The following ATP10D variants were observed in gnomAD, a reference collection of about 807,000 sequenced individuals.
ATP10D encodes phospholipid-transporting ATPase VD.
A neutral mutation model predicts 144.8 loss-of-function variants in ATP10D; 89 were observed. The ratio of observed to expected loss-of-function variants is 0.61; its 90% CI spans 0.52 to 0.73. ATP10D has a LOEUF of 0.73. Among genes scored for constraint, ATP10D ranks in the 30% least tolerant of loss-of-function variants. ATP10D has a pLI of 0.00. For synonymous variants in ATP10D, 571 were observed against 615.1 expected (o/e 0.93, Z 1.06); for missense variants, 1,603 against 1,714.8 (o/e 0.93, Z 1.15).
intron 3 of ATP10D, among the ~76,000 whole-genome samples, chr4:47,519,440 G>A (rs1458471707): frequency 6.6e-6 from 1 of 152,210 alleles, no homozygotes; most frequent in Non-Finnish European, 1.5e-5. Flanking sequence ...CCAAGGAGAT[G>A]CAACAAGTTC....
intron 10 of ATP10D, among the ~76,000 whole-genome samples, chr4:47,553,188 G>T (rs1394024584): frequency 6.6e-6 from 1 of 152,156 alleles, no homozygotes; most frequent in African/African-American, 2.4e-5. Context: ...ATTGACTTTG[G>T]CAAGGAGGTC....
intron 20 of ATP10D, among the ~76,000 whole-genome samples, chr4:47,580,712 A>G (rs1160119081): frequency 6.6e-6 from 1 of 152,178 alleles, no homozygotes; most frequent in Non-Finnish European, 1.5e-5. Flanking sequence ...CTGCTTAAAA[A>G]TTTTTATCAA....
In ATP10D at chr4:47,535,618, C is replaced by T. The variant is rs199963575; in HGVS notation, c.883+3C>T. On this transcript the variant is annotated splice_donor_region_variant and intron_variant, in intron 6 of 22. Coordinates refer to ENST00000273859, the MANE Select transcript of ATP10D (RefSeq NM_020453.4). Reference sequence around the variant, plus strand: ...TGTGGGCATTGTGGTTTATGCAGGTCGGTTATGTTTCTAATTTTCATTGTC... The same window carrying T: ...TGTGGGCATTGTGGTTTATGCAGGTTGGTTATGTTTCTAATTTTCATTGTC... The T allele has an allele frequency of 9.1e-5, 146 of 1,604,138 alleles. No homozygotes were observed. Among genetic ancestry groups the T allele is most frequent in the Middle Eastern group, 3.3e-4 (2 of 6,006 alleles).
Position 47,523,119 on chromosome 4 carries a change from C to G in ATP10D, c.593C>G (p.Ser198Cys). The G allele has an allele frequency of 2.5e-6, 4 of 1,613,986 alleles. No individual in the cohort carries two copies. Among genetic ancestry groups the G allele is most frequent in the Middle Eastern group, 1.6e-4 (1 of 6,062 alleles). ...CCTGCAGACATGGTACTACTCTTTTCCACTGATCCAGATGGAATCTGTCAC... is the reference window on the plus strand; with the variant it reads ...CCTGCAGACATGGTACTACTCTTTTGCACTGATCCAGATGGAATCTGTCAC... Reference protein sequence around the residue: ...VIPADMVLLFSTDPDGICHIE... With the variant: ...VIPADMVLLFCTDPDGICHIE... The change falls in exon 4 of 23, where the codon TCC (serine) becomes TGC (cysteine). Residue 198 changes from serine (S) to cysteine (C), a missense_variant. By Grantham distance (112) the Ser-to-Cys change is moderately radical. Coordinates refer to ENST00000273859, the MANE Select transcript of ATP10D (RefSeq NM_020453.4).
intron 4 of ATP10D, among the ~76,000 whole-genome samples, chr4:47,524,753 G>T (rs576198496): frequency 7.9e-5 from 12 of 152,300 alleles, no homozygotes; most frequent in African/African-American, 2.9e-4. Context: ...TCATGGAGTT[G>T]TGAAGAAGAA....
intron 3 of ATP10D, among the ~76,000 whole-genome samples, chr4:47,518,595 A>G (rs1032806955): frequency 6.6e-6 from 1 of 152,216 alleles, no homozygotes; most frequent in Non-Finnish European, 1.5e-5. Context: ...TTTAAAAATC[A>G]CCATGTTGTT....
intron 1 of ATP10D, among the ~76,000 whole-genome samples, chr4:47,499,419 A>G (rs1715566077): frequency 6.6e-6 from 1 of 152,208 alleles, no homozygotes; most frequent in South Asian, 2.1e-4. Flanking sequence ...CCTGAAGACC[A>G]CTGGGGTCAT....
intron 21 of ATP10D, among the ~76,000 whole-genome samples, chr4:47,584,237 T>C (rs977953670): frequency 1.3e-5 from 2 of 152,204 alleles, no homozygotes; most frequent in Non-Finnish European, 2.9e-5. Context: ...TTATTCACCA[T>C]CTCATTGCCA....
intron 1 of ATP10D, among the ~76,000 whole-genome samples, chr4:47,498,710 C>T (rs773398233): frequency 3.3e-5 from 5 of 152,138 alleles, no homozygotes; most frequent in East Asian, 3.9e-4. Flanking sequence ...GAAAAGTATT[C>T]GTTGAGGGCA....
chr4:47,578,732 A>G (rs1720360948), intron 19 of ATP10D, among the ~76,000 whole-genome samples: 1 of 152,182 alleles, frequency 6.6e-6, no homozygotes, highest in Non-Finnish European at 1.5e-5. Context: ...TTTATGGAAG[A>G]AAGGCAGGCA....
At chr4:47,509,519 GTAT>G (rs1489973616) in intron 1 of ATP10D, among the ~76,000 whole-genome samples, 1 of 152,166 alleles carries the variant, frequency 6.6e-6, no homozygotes, top group Non-Finnish European at 1.5e-5. Context: ...ATTAACATAT[GTAT>G]TACCTCACAT....
intron 5 of ATP10D, among the ~76,000 whole-genome samples, chr4:47,533,260 C>T (rs1011982573): frequency 5.9e-5 from 9 of 152,098 alleles, no homozygotes; most frequent in African/African-American, 1.9e-4. Context: ...TGCTAATATG[C>T]AAATGTGAAT....
intron 18 of ATP10D, among the ~76,000 whole-genome samples, chr4:47,574,193 AC>A (rs1433057714): frequency 6.6e-6 from 1 of 151,966 alleles, no homozygotes; most frequent in Non-Finnish European, 1.5e-5. Flanking sequence ...CCTCCTTTTA[AC>A]TCCAGATTGA....
rs1171127801 is a variant in ATP10D, at chr4:47,592,024, A to T, written c.*643A>T. 6.6e-6 allele frequency: 1 copy of T among 152,180 alleles called. No homozygotes were observed. The highest frequency in any genetic ancestry group is 2.4e-5 in the African/African-American group (1 of 41,416). The allele number at this position is 152,180 out of a possible 1,614,324, so 9.4% of individuals were successfully genotyped here. A position where few individuals can be genotyped will look rare whatever the true frequency, so the allele number is the denominator to read the frequency against. On this transcript the variant is annotated 3_prime_UTR_variant, in exon 23 of 23. Transcript: ENST00000273859. ...TCTCACTCATTTCAATGTTTTCCTG[A>T]GGTGGAGCCTTCATTGGAAAGGGGA...
chr4:47,573,115 C>T, intron 18 of ATP10D, 118 bp downstream of exon 18: 3 of 1,248,380 alleles, frequency 2.4e-6, no homozygotes, highest in Non-Finnish European at 3.4e-6. Context: ...GTATTGGGAA[C>T]AGCCAGGACT....
At position 47,536,534 on chromosome 4, in the gene ATP10D, TA is replaced by T; in HGVS notation, c.1114del (p.Met372CysfsTer5). 1 of 1,613,662 alleles carries T rather than the reference TA, an allele frequency of 6.2e-7. No individual in the cohort carries two copies. On this transcript the variant is annotated frameshift_variant, in exon 8 of 23. Transcript: ENST00000273859. LOFTEE classifies it high-confidence loss of function. Reference sequence around the variant, plus strand: ...TATCACCACTGTTGGCAGGATTTTATATGTTTTGGACCATGATCATTTTGTT... The same window carrying T: ...TATCACCACTGTTGGCAGGATTTTATTGTTTTGGACCATGATCATTTTGTT... ...IISPLLAGFY[M>X]FWTMIILLQV...
chr4:47,536,064 T>A, intron 7 of ATP10D, 31 bp downstream of exon 7: 3 of 1,586,508 alleles, frequency 1.9e-6, no homozygotes, highest in Non-Finnish European at 2.6e-6. Context: ...TGCTGACATC[T>A]TTTCAGCAAG....
rs530810439 is a variant in ATP10D at position 47,588,383 on chromosome 4, G to A, written c.3941+1177G>A. 1.1e-4 allele frequency among the ~76,000 whole-genome samples: 16 copies of A among 152,226 alleles called. No individual in the cohort carries two copies. In the East Asian group the frequency reaches 2.1e-3, roughly 20 times the overall value. Reference sequence around the variant, plus strand: ...TAAGTTCATGTTATTCTATAACAGCGTCAACAAACTGTGGCAAACAGGCCA... The same window carrying A: ...TAAGTTCATGTTATTCTATAACAGCATCAACAAACTGTGGCAAACAGGCCA... On this transcript the variant is annotated intron_variant, in intron 22 of 22. Coordinates refer to ENST00000273859, the MANE Select transcript of ATP10D (RefSeq NM_020453.4).
intron 1 of ATP10D, among the ~76,000 whole-genome samples, chr4:47,507,339 C>A (rs955580678): frequency 6.6e-6 from 1 of 152,088 alleles, no homozygotes; most frequent in East Asian, 1.9e-4. Flanking sequence ...AATTGGGGTG[C>A]CAGAAATTGA....
Sources: allele counts gnomAD v4.1 joint callset (sites outside exome capture counted in the v4.1 genomes callset), GRCh38; gene constraint gnomAD v4.1.1; transcripts MANE v1.5; gene names NCBI Gene and HGNC (gene_info 2026-07-23, HGNC 2026-07-21).